ZNRF2: variants seen among roughly 807,000 people sequenced by gnomAD.
ZNRF2 encodes zinc and ring finger 2, also known as E3 ubiquitin-protein ligase ZNRF2.
In ZNRF2, 16 loss-of-function variants were observed where a neutral mutation model predicts 20.4. The observed-to-expected ratio is 0.79, with a 90% CI of 0.53 to 1.19. The LOEUF (loss-of-function observed/expected upper bound fraction) is 1.19, where lower values mean the gene tolerates loss of function less well. ZNRF2 is among the 50% of genes most tolerant of loss of function. ZNRF2 has a pLI of 0.00. For synonymous variants in ZNRF2, 178 were observed against 144.9 expected (o/e 1.23, Z -1.64); for missense variants, 363 against 332.4 (o/e 1.09, Z -0.72).
intron 2 of ZNRF2, among the ~76,000 whole-genome samples, chr7:30,354,541 C>G (rs1800007846): frequency 6.7e-6 from 1 of 150,084 alleles, no homozygotes; most frequent in African/African-American, 2.5e-5. Flanking sequence ...GCAGGGTACT[C>G]TTACAGATAA....
chr7:30,334,642 ATAGT>A (rs773092527), intron 2 of ZNRF2, among the ~76,000 whole-genome samples: 1 of 152,224 alleles, frequency 6.6e-6, no homozygotes, highest in East Asian at 1.9e-4. Flanking sequence ...TAAAAATCTG[ATAGT>A]TATTTAATTC....
In ZNRF2 at chr7:30,303,087, C is replaced by A. The variant is rs182388786; in HGVS notation, c.469+17261C>A. Among the ~76,000 whole-genome samples, 328 of 152,050 alleles carry A rather than the reference C, an allele frequency of 2.2e-3. 1 individual carries two copies. The highest frequency in any genetic ancestry group is 7.6e-3 in the African/African-American group (317 of 41,448). ...CTTGACCCCAGGAGTTCGAAACCAG[C>A]CTGGGCAACATGGAAAAACCCCGTC... On this transcript the variant is annotated intron_variant, in intron 1 of 4. Transcript: ENST00000323037.
At chr7:30,363,387 G>C (rs896675296) in intron 4 of ZNRF2, among the ~76,000 whole-genome samples, 13 of 152,292 alleles carry the variant, frequency 8.5e-5, no homozygotes, top group African/African-American at 2.9e-4. Context: ...CGCAGATGAA[G>C]AAATTAAGTA....
intron 1 of ZNRF2, among the ~76,000 whole-genome samples, chr7:30,297,883 A>G (rs58348268): frequency 0.011 from 1,739 of 151,868 alleles, 31 homozygotes; most frequent in African/African-American, 0.039. Context: ...TTATTTAAAG[A>G]CAAGGTCTCG....
intron 1 of ZNRF2, among the ~76,000 whole-genome samples, chr7:30,295,048 AGAGTGTGTGTGTGTGTGTGTGT>A (rs1235897467): frequency 5.1e-5 from 4 of 79,106 alleles, no homozygotes; most frequent in African/African-American, 1.3e-4. Flanking sequence ...AGAGAGAGAG[AGAGTGTGTGTGTGTGTGTGTGT>A]GTGTGTGTGT....
At chr7:30,306,736 C>T (rs756714727) in intron 1 of ZNRF2, among the ~76,000 whole-genome samples, 3 of 152,094 alleles carry the variant, frequency 2.0e-5, no homozygotes, top group Non-Finnish European at 4.4e-5. Context: ...ACTTGCCTGT[C>T]GACCGTACTT....
intron 2 of ZNRF2, among the ~76,000 whole-genome samples, chr7:30,332,456 A>G (rs1468865823): frequency 6.6e-6 from 1 of 152,178 alleles, no homozygotes; most frequent in Non-Finnish European, 1.5e-5. Flanking sequence ...TTGGGCTTCT[A>G]GTAAACCCAT....
At chr7:30,325,119 G>A (rs187678349) in intron 2 of ZNRF2, among the ~76,000 whole-genome samples, 1 of 152,058 alleles carries the variant, frequency 6.6e-6, no homozygotes, top group Non-Finnish European at 1.5e-5. Context: ...GCATACTTTG[G>A]AATAGACTTG....
intron 1 of ZNRF2, among the ~76,000 whole-genome samples, chr7:30,292,104 A>G (rs552840476): frequency 1.1e-4 from 17 of 152,316 alleles, no homozygotes; most frequent in South Asian, 2.1e-4. Context: ...TGGAACATTC[A>G]TTTTTATATT....
intron 2 of ZNRF2, among the ~76,000 whole-genome samples, chr7:30,349,903 A>G (rs1799938094): frequency 6.6e-6 from 1 of 152,098 alleles, no homozygotes. Context: ...GTTTTAACAA[A>G]TCAGTGTAAT....
Position 30,302,870 on chromosome 7 carries a change from T to TGC in ZNRF2, c.469+17045_469+17046dup, listed in dbSNP as rs969499223. On this transcript the variant is annotated intron_variant, in intron 1 of 4. Coordinates refer to ENST00000323037, the MANE Select transcript of ZNRF2 (RefSeq NM_147128.4). ...AACTGTCAGGGCCCACAGAGCAAAA[T>TGC]GCACTCTGGACAGCATCAATGAAAG... Among the ~76,000 whole-genome samples, 84 of 152,242 alleles carry TGC rather than the reference T, an allele frequency of 5.5e-4. 1 individual carries two copies. The highest frequency in any genetic ancestry group is 1.8e-3 in the African/African-American group (76 of 41,556).
chr7:30,294,680 G>C lies in ZNRF2; in HGVS notation c.469+8854G>C, dbSNP rs188046004. ...TGCCCGTAATCCCAGCTTACTAGGG[G>C]GTGCTGAGGCAGGAGAATTGCTTGA... is the stretch of plus-strand genomic sequence containing the variant. On this transcript the variant is annotated intron_variant, in intron 1 of 4. Transcript: ENST00000323037. Among the ~76,000 whole-genome samples, 50 of 152,084 alleles carry C rather than the reference G, an allele frequency of 3.3e-4. 1 individual carries two copies. The East Asian group carries it at 8.9e-3, about 27-fold the overall frequency.
At chr7:30,363,550 A>G (rs1800161569) in intron 4 of ZNRF2, among the ~76,000 whole-genome samples, 1 of 152,192 alleles carries the variant, frequency 6.6e-6, no homozygotes, top group Admixed American at 6.5e-5. Flanking sequence ...TCGCATCATA[A>G]ATTTATTCAT....
intron 2 of ZNRF2, among the ~76,000 whole-genome samples, chr7:30,346,350 C>A (rs543213539): frequency 1.7e-4 from 26 of 151,488 alleles, no homozygotes; most frequent in Non-Finnish European, 2.7e-4. Flanking sequence ...CCTGCCACCA[C>A]GCCTGGCTAA....
At chr7:30,295,048 AGAGTGT>A (rs1402760320) in intron 1 of ZNRF2, among the ~76,000 whole-genome samples, 168 of 79,020 alleles carry the variant, frequency 2.1e-3, no homozygotes, top group East Asian at 4.4e-3. Context: ...AGAGAGAGAG[AGAGTGT>A]GTGTGTGTGT....
intron 1 of ZNRF2, among the ~76,000 whole-genome samples, chr7:30,306,957 T>C (rs1799216276): frequency 1.3e-5 from 2 of 152,172 alleles, no homozygotes; most frequent in South Asian, 2.1e-4. Context: ...TTTAATATTA[T>C]GTTGACACTT....
At chr7:30,337,604 T>C (rs1799735334) in intron 2 of ZNRF2, among the ~76,000 whole-genome samples, 1 of 152,154 alleles carries the variant, frequency 6.6e-6, no homozygotes, top group South Asian at 2.1e-4. Flanking sequence ...TGTCTCTGTT[T>C]TCCAGGGCTA....
At chr7:30,306,002 T>G (rs1427237114) in intron 1 of ZNRF2, among the ~76,000 whole-genome samples, 1 of 152,188 alleles carries the variant, frequency 6.6e-6, no homozygotes, top group Non-Finnish European at 1.5e-5. Context: ...GCTGGGCCTT[T>G]GGGGCTTTGG....
chr7:30,341,912 G>T (rs1378793487), intron 2 of ZNRF2, among the ~76,000 whole-genome samples: 1 of 151,984 alleles, frequency 6.6e-6, no homozygotes, highest in Non-Finnish European at 1.5e-5. Context: ...TCCTGTATTG[G>T]GTGCATATAT....
Sources: gnomAD v4.1 joint callset for allele counts (sites outside exome capture counted in the v4.1 genomes callset) on GRCh38, gnomAD v4.1.1 for gene constraint, MANE v1.5 for transcripts, NCBI Gene and HGNC (gene_info 2026-07-23, HGNC 2026-07-21) for gene names.